The following GABRB1 variants were observed in gnomAD, a reference collection of about 807,000 sequenced individuals.
The protein encoded by GABRB1 is gamma-aminobutyric acid receptor subunit beta-1.
A neutral mutation model predicts 51.6 loss-of-function variants in GABRB1; 17 were observed. That is an observed-to-expected ratio of 0.33 (90% CI 0.23 to 0.49). The LOEUF (loss-of-function observed/expected upper bound fraction) is 0.49. GABRB1 is among the 20% of genes least tolerant of loss of function. GABRB1 has a pLI of 0.99. For missense variants in GABRB1, 410 were observed against 600.6 expected (o/e 0.68, Z 3.32); for synonymous variants, 247 against 218.9 (o/e 1.13, Z -1.14).
chr4:47,145,931 G>C (rs1717149699), intron 3 of GABRB1, among the ~76,000 whole-genome samples: 2 of 151,984 alleles, frequency 1.3e-5, no homozygotes, highest in African/African-American at 4.8e-5. Context: ...CATCAGCACA[G>C]CCTTTTTTTT....
chr4:47,279,750 C>T (rs575325725), intron 4 of GABRB1, among the ~76,000 whole-genome samples: 1 of 151,872 alleles, frequency 6.6e-6, no homozygotes, highest in South Asian at 2.1e-4. Context: ...TTTTGGTTCT[C>T]ATTGGCTTTG....
chr4:47,031,991 G>A lies in GABRB1; in HGVS notation c.158G>A (p.Arg53Gln). The A allele has an allele frequency of 6.2e-7, 1 of 1,613,282 alleles. No individual in the cohort carries two copies. Among genetic ancestry groups the A allele is most frequent in the Non-Finnish European group, 8.5e-7 (1 of 1,179,852 alleles). The change falls in exon 2 of 9, where the codon CGG becomes CAG. Residue 53 changes from arginine (R) to glutamine (Q), a missense_variant. This residue lies in a region of GABRB1 where 100 missense variants were observed against 184.3 expected (regional missense o/e 0.54). Transcript: ENST00000295454. ...CTCAAAGGATATGACATTCGCTTGC[G>A]GCCGGACTTCGGAGGTAACGCTTCA... is the stretch of plus-strand genomic sequence containing the variant. ...RLLKGYDIRL[R>Q]PDFGGPPVDV... is the part of the protein sequence containing the mutation.
chr4:47,069,371 C>G (rs1727217350), intron 3 of GABRB1, among the ~76,000 whole-genome samples: 1 of 152,154 alleles, frequency 6.6e-6, no homozygotes, highest in Non-Finnish European at 1.5e-5. Context: ...TCTCCTTTTG[C>G]CATTCTGTTC....
intron 3 of GABRB1, among the ~76,000 whole-genome samples, chr4:47,046,423 A>G (rs1452336040): frequency 2.0e-5 from 3 of 152,126 alleles, no homozygotes; most frequent in Non-Finnish European, 4.4e-5. Flanking sequence ...CTTGGTAGGA[A>G]CTGTGAAAGG....
At chr4:47,318,741 G>C (rs1021122931) in intron 4 of GABRB1, among the ~76,000 whole-genome samples, 1 of 152,054 alleles carries the variant, frequency 6.6e-6, no homozygotes, top group Non-Finnish European at 1.5e-5. Context: ...TGAAGTGTGA[G>C]AGTAACTAAA....
At chr4:47,191,404 C>T (rs1719436135) in intron 4 of GABRB1, among the ~76,000 whole-genome samples, 1 of 152,100 alleles carries the variant, frequency 6.6e-6, no homozygotes, top group African/African-American at 2.4e-5. Context: ...TTTACTTCAC[C>T]CCCTAACTGT....
intron 5 of GABRB1, among the ~76,000 whole-genome samples, chr4:47,337,746 G>A (rs777945664): frequency 3.4e-5 from 5 of 145,068 alleles, no homozygotes; most frequent in East Asian, 2.0e-4. Flanking sequence ...GGCAGCAAAG[G>A]TTTCAGTGAG....
intron 5 of GABRB1, among the ~76,000 whole-genome samples, chr4:47,357,379 T>C (rs1726624603): frequency 6.6e-6 from 1 of 152,166 alleles, no homozygotes; most frequent in Non-Finnish European, 1.5e-5. Context: ...TCAACATCCA[T>C]CTACATATGT....
chr4:47,107,965 C>T (rs1321829034), intron 3 of GABRB1, among the ~76,000 whole-genome samples: 2 of 151,998 alleles, frequency 1.3e-5, no homozygotes, highest in Non-Finnish European at 2.9e-5. Context: ...GTTTGATCAA[C>T]AATATTTTGT....
At chr4:47,376,596 G>C (rs1264159069) in intron 5 of GABRB1, among the ~76,000 whole-genome samples, 3 of 152,174 alleles carry the variant, frequency 2.0e-5, no homozygotes, top group African/African-American at 7.2e-5. Context: ...GCAGTGAGCC[G>C]AGACCGCACC....
At chr4:47,007,510 G>T (rs1349248408) in intron 1 of GABRB1, among the ~76,000 whole-genome samples, 2 of 152,132 alleles carry the variant, frequency 1.3e-5, no homozygotes, top group South Asian at 2.1e-4. Context: ...TAACAAACTG[G>T]ACTTCACTGA....
At chr4:47,253,885 G>T (rs187638735) in intron 4 of GABRB1, among the ~76,000 whole-genome samples, 1 of 152,114 alleles carries the variant, frequency 6.6e-6, no homozygotes, top group African/African-American at 2.4e-5. Flanking sequence ...ATAGTTAATG[G>T]AATGGTAATT....
intron 3 of GABRB1, among the ~76,000 whole-genome samples, chr4:47,139,956 A>C (rs930309783): frequency 2.6e-5 from 4 of 152,026 alleles, no homozygotes; most frequent in Non-Finnish European, 4.4e-5. Context: ...AGTTTAAGTA[A>C]ATAGTAAATC....
At chr4:47,241,874 C>A (rs1315235467) in intron 4 of GABRB1, among the ~76,000 whole-genome samples, 1 of 151,734 alleles carries the variant, frequency 6.6e-6, no homozygotes, top group Non-Finnish European at 1.5e-5. Flanking sequence ...TTTATCATTT[C>A]TTTTTATTTT....
intron 4 of GABRB1, among the ~76,000 whole-genome samples, chr4:47,245,309 C>T (rs549905342): frequency 6.6e-6 from 1 of 152,204 alleles, no homozygotes; most frequent in Non-Finnish European, 1.5e-5. Flanking sequence ...TATCAAGTGA[C>T]CAATATTAAT....
chr4:47,247,485 C>A (rs1208900579), intron 4 of GABRB1, among the ~76,000 whole-genome samples: 1 of 151,834 alleles, frequency 6.6e-6, no homozygotes, highest in African/African-American at 2.4e-5. Flanking sequence ...TTTGCTTAGT[C>A]TTGCTTTGGC....
chr4:47,322,782 C>A (rs985180388), intron 5 of GABRB1, among the ~76,000 whole-genome samples: 1 of 152,056 alleles, frequency 6.6e-6, no homozygotes, highest in Non-Finnish European at 1.5e-5. Context: ...ACCAGCCTGA[C>A]AAATATGGTG....
intron 3 of GABRB1, among the ~76,000 whole-genome samples, chr4:47,156,706 C>T (rs1717719672): frequency 6.6e-6 from 1 of 151,924 alleles, no homozygotes; most frequent in African/African-American, 2.4e-5. Flanking sequence ...CAGTGGCTCA[C>T]ACTTGTAATC....
chr4:47,375,896 T>A (rs1727358462), intron 5 of GABRB1, among the ~76,000 whole-genome samples: 1 of 152,164 alleles, frequency 6.6e-6, no homozygotes, highest in Admixed American at 6.5e-5. Flanking sequence ...ATCCATGAGC[T>A]GGGAGCAGGA....
Sources: gnomAD v4.1 joint callset for allele counts (sites outside exome capture counted in the v4.1 genomes callset) on GRCh38, gnomAD v4.1.1 for gene constraint, gnomAD v4.1.1 regional missense constraint, MANE v1.5 for transcripts, NCBI Gene and HGNC (gene_info 2026-07-23, HGNC 2026-07-21) for gene names.